The following TNR variants were observed in gnomAD, a reference collection of about 807,000 sequenced individuals.
TNR encodes tenascin R, also known as tenascin-R.
Under a neutral mutation model 150.4 loss-of-function variants are expected in TNR, and 45 were observed. That is an observed-to-expected ratio of 0.30 (90% confidence interval 0.24 to 0.38). TNR has a LOEUF of 0.38. TNR is among the 10% of genes least tolerant of loss of function. The pLI is 1.00. For missense variants in TNR, 1,544 were observed against 1,759.1 expected, an observed-to-expected ratio of 0.88 and a Z score of 2.19; for synonymous variants, 687 against 678.4, an observed-to-expected ratio of 1.01 and a Z score of -0.20.
intron 2 of TNR, among the ~76,000 whole-genome samples, chr1:175,477,566 T>C (rs1165260915): frequency 6.6e-6 from 1 of 152,210 alleles, no homozygotes; most frequent in African/African-American, 2.4e-5. Context: ...CCCTGCCCTG[T>C]GGAGTGCACC....
At chr1:175,568,209 A>G (rs74716018) in intron 1 of TNR, among the ~76,000 whole-genome samples, 7,334 of 152,218 alleles carry the variant, frequency 0.048, 577 homozygotes, top group African/African-American at 0.16. Flanking sequence ...TTCTTTTCAT[A>G]TACTATCACC....
intron 2 of TNR, among the ~76,000 whole-genome samples, chr1:175,421,551 C>T (rs1002192139): frequency 2.0e-5 from 3 of 152,150 alleles, no homozygotes; most frequent in Admixed American, 6.5e-5. Context: ...TAGTCAGTGA[C>T]GTGTCTTTCT....
At chr1:175,541,322 G>T (rs1660493168) in intron 1 of TNR, among the ~76,000 whole-genome samples, 1 of 152,228 alleles carries the variant, frequency 6.6e-6, no homozygotes, top group Non-Finnish European at 1.5e-5. Flanking sequence ...AAGGCTTAGG[G>T]CTCCCCATGG....
At chr1:175,534,566 G>A (rs995114638) in intron 1 of TNR, among the ~76,000 whole-genome samples, 2 of 152,234 alleles carry the variant, frequency 1.3e-5, no homozygotes, top group African/African-American at 4.8e-5. Context: ...GTTCTAAGTG[G>A]TGTCAGTTGG....
chr1:175,418,732 A>G (rs1317572606), intron 2 of TNR, among the ~76,000 whole-genome samples: 1 of 152,146 alleles, frequency 6.6e-6, no homozygotes, highest in Non-Finnish European at 1.5e-5. Context: ...GAAAAAAAAA[A>G]AAAGGCAGTT....
chr1:175,432,074 A>G lies in TNR; in HGVS notation c.-63-25297T>C, dbSNP rs558706692. On this transcript the variant is annotated intron_variant, in intron 2 of 22. Transcript: ENST00000367674. ...TCTGCCTGTGGGGAGGGGGCCAGGG[A>G]TATGGGGTTGCTGACTGGGAGTGTT... Among the ~76,000 whole-genome samples the G allele has an allele frequency of 3.8e-3, 571 of 152,118 alleles. 5 individuals are homozygous for G. The highest frequency in any genetic ancestry group is 0.011 in the South Asian group (54 of 4,808).
rs530523549 is a variant in TNR at position 175,695,190 on chromosome 1, G to C, written c.-165+48036C>G. 6.6e-5 allele frequency among the ~76,000 whole-genome samples: 10 copies of C among 152,234 alleles called. No individual in the cohort carries two copies. The South Asian group carries it at 2.1e-3, about 32-fold the overall frequency. ...GGGCTTCCTGTTGCTCTCCTTTTTG[G>C]ATCCCTTGCTCTTGGGGAAGCCAGC... On this transcript the variant is annotated intron_variant, in intron 1 of 22. Transcript: ENST00000367674.
intron 2 of TNR, among the ~76,000 whole-genome samples, chr1:175,457,231 G>A (rs1485836635): frequency 2.0e-5 from 3 of 152,226 alleles, no homozygotes; most frequent in Non-Finnish European, 4.4e-5. Flanking sequence ...ACCATGCACC[G>A]GCTACTGGTC....
chr1:175,501,775 C>T (rs1264814395), intron 2 of TNR, among the ~76,000 whole-genome samples: 1 of 152,130 alleles, frequency 6.6e-6, no homozygotes, highest in African/African-American at 2.4e-5. Flanking sequence ...TAAATTCATT[C>T]ATTCATTGAT....
At chr1:175,742,142 A>T (rs1667947053) in intron 1 of TNR, among the ~76,000 whole-genome samples, 1 of 152,228 alleles carries the variant, frequency 6.6e-6, no homozygotes, top group African/African-American at 2.4e-5. Context: ...ACCAAAGCAG[A>T]TGCAGGGAAT....
At chr1:175,442,082 G>A (rs866723139) in intron 2 of TNR, among the ~76,000 whole-genome samples, 6 of 152,250 alleles carry the variant, frequency 3.9e-5, no homozygotes, top group Non-Finnish European at 7.4e-5. Flanking sequence ...TCTGCAGAGG[G>A]GCTCCCTGTT....
intron 1 of TNR, among the ~76,000 whole-genome samples, chr1:175,545,826 T>G (rs537040018): frequency 4.6e-5 from 7 of 152,324 alleles, no homozygotes; most frequent in African/African-American, 1.4e-4. Flanking sequence ...TTCACTACCA[T>G]GCCAGGTTGC....
At chr1:175,512,949 T>C (rs188321631) in intron 2 of TNR, among the ~76,000 whole-genome samples, 24 of 152,312 alleles carry the variant, frequency 1.6e-4, no homozygotes, top group African/African-American at 5.8e-4. Flanking sequence ...CCTAAATGAC[T>C]GAATGGACCA....
intron 2 of TNR, among the ~76,000 whole-genome samples, chr1:175,467,816 T>C (rs965986704): frequency 1.3e-5 from 2 of 152,210 alleles, no homozygotes; most frequent in Non-Finnish European, 2.9e-5. Flanking sequence ...ATAGCATTTA[T>C]TGAATTTTGA....
At chr1:175,528,102 A>C (rs1659919755) in intron 2 of TNR, among the ~76,000 whole-genome samples, 167 bp downstream of exon 2, 1 of 152,220 alleles carries the variant, frequency 6.6e-6, no homozygotes, top group Non-Finnish European at 1.5e-5. Context: ...AGACTGCATG[A>C]AGCCCAGAGG....
chr1:175,579,739 C>T (rs549287124), intron 1 of TNR, among the ~76,000 whole-genome samples: 65 of 151,656 alleles, frequency 4.3e-4, no homozygotes, highest in African/African-American at 1.4e-3. Context: ...GCAGGGGTTC[C>T]GTCCTTGGAA....
chr1:175,430,524 T>TAC (rs1213869549), intron 2 of TNR, among the ~76,000 whole-genome samples: 1 of 152,182 alleles, frequency 6.6e-6, no homozygotes, highest in Admixed American at 6.5e-5. Context: ...TTTCAATGAG[T>TAC]ACAGACTCCA....
intron 2 of TNR, among the ~76,000 whole-genome samples, chr1:175,469,870 A>G (rs1657206262): frequency 6.6e-6 from 1 of 152,060 alleles, no homozygotes; most frequent in Non-Finnish European, 1.5e-5. Flanking sequence ...CCTGGAGACT[A>G]CTGCAATGGT....
chr1:175,540,562 G>A (rs745391819), intron 1 of TNR, among the ~76,000 whole-genome samples: 1 of 152,180 alleles, frequency 6.6e-6, no homozygotes, highest in Non-Finnish European at 1.5e-5. Context: ...CCTACAGCTA[G>A]ATGGTTTGGT....
Sources: allele counts gnomAD v4.1 joint callset (sites outside exome capture counted in the v4.1 genomes callset), GRCh38; gene constraint gnomAD v4.1.1; transcripts MANE v1.5; gene names NCBI Gene and HGNC (gene_info 2026-07-23, HGNC 2026-07-21).